The following FUBP3 variants were observed in gnomAD, a reference collection of about 807,000 sequenced individuals.
FUBP3 encodes the protein far upstream element-binding protein 3.
A neutral mutation model predicts 85.6 loss-of-function variants in FUBP3; 28 were observed. The ratio of observed to expected loss-of-function variants is 0.33; its 90% CI spans 0.24 to 0.45. The LOEUF is 0.45. FUBP3 is among the 20% of genes least tolerant of loss of function. The pLI is 1.00. For synonymous variants in FUBP3, 271 were observed against 271.4 expected (o/e 1.00, Z 0.01); for missense variants, 583 against 755.1 (o/e 0.77, Z 2.67).
chr9:130,591,267 AC>A (rs1223075770), intron 1 of FUBP3, among the ~76,000 whole-genome samples: 1 of 151,642 alleles, frequency 6.6e-6, no homozygotes, highest in East Asian at 1.9e-4. Flanking sequence ...ACATGGTGAA[AC>A]CCCATTTCTA....
intron 16 of FUBP3, among the ~76,000 whole-genome samples, chr9:130,633,636 A>G (rs1485647327): frequency 1.3e-5 from 2 of 152,152 alleles, no homozygotes; most frequent in Non-Finnish European, 2.9e-5. Flanking sequence ...GCAGTGGAGA[A>G]CCGGTTTGGG....
chr9:130,585,584 A>G (rs142383311), intron 1 of FUBP3, among the ~76,000 whole-genome samples: 85 of 152,322 alleles, frequency 5.6e-4, no homozygotes, highest in East Asian at 1.9e-4. Flanking sequence ...GGATTAAATA[A>G]AGGTGAATTG....
intron 1 of FUBP3, among the ~76,000 whole-genome samples, chr9:130,592,502 T>G (rs1245384151): frequency 6.6e-6 from 1 of 152,176 alleles, no homozygotes. Flanking sequence ...TCCTTCCTTC[T>G]TCCTATCTTG....
chr9:130,589,918 T>C (rs1007391337), intron 1 of FUBP3, among the ~76,000 whole-genome samples: 7 of 149,810 alleles, frequency 4.7e-5, no homozygotes, highest in Non-Finnish European at 1.0e-4. Flanking sequence ...AGCCTCACTA[T>C]GTTGCCCAGG....
At chr9:130,595,437 G>A in intron 1 of FUBP3, 46 bp from the exon 2 acceptor site, 1 of 923,146 alleles carries the variant, frequency 1.1e-6, no homozygotes, top group Non-Finnish European at 1.8e-6. Flanking sequence ...CCCTCAGATA[G>A]AGCCATGGTT....
At chr9:130,597,039 C>T (rs1588125434) in intron 2 of FUBP3, among the ~76,000 whole-genome samples, 1 of 151,430 alleles carries the variant, frequency 6.6e-6, no homozygotes, top group East Asian at 1.9e-4. Context: ...CCCTGAGTCC[C>T]CTTAGCCCCC....
chr9:130,634,561 C>A, intron 16 of FUBP3, 106 bp from the exon 17 acceptor site: 1 of 841,324 alleles, frequency 1.2e-6, no homozygotes, highest in Non-Finnish European at 1.9e-6. Flanking sequence ...CCGTGTGTGG[C>A]CAGGAGCGAG....
intron 16 of FUBP3, 141 bp downstream of exon 16, chr9:130,632,419 G>T (rs1015208479): frequency 2.6e-5 from 17 of 662,832 alleles, no homozygotes; most frequent in Middle Eastern, 8.2e-4. Context: ...CTCTGGGTGG[G>T]GCTTGGGCCC....
chr9:130,601,537 G>T (rs896942296), intron 2 of FUBP3, among the ~76,000 whole-genome samples: 11 of 152,098 alleles, frequency 7.2e-5, no homozygotes, highest in African/African-American at 2.7e-4. Flanking sequence ...CGGGGGTAAG[G>T]CCATGCAAGG....
At chr9:130,589,728 T>TA (rs1830533032) in intron 1 of FUBP3, among the ~76,000 whole-genome samples, 1 of 122,892 alleles carries the variant, frequency 8.1e-6, no homozygotes, top group Non-Finnish European at 1.7e-5. Flanking sequence ...TTTTTTTTTT[T>TA]AAGAGACAGG....
In FUBP3 at chr9:130,632,825, C is replaced by A. The variant is rs569556785; in HGVS notation, c.1510+547C>A. On this transcript the variant is annotated intron_variant, in intron 16 of 18. Coordinates refer to ENST00000319725, the MANE Select transcript of FUBP3 (RefSeq NM_003934.2). ...CCTGGTGGGAATCAAAGCCGCCACC[C>A]TCTCTGTCCCCACAGACGCTTCAGG... Among the ~76,000 whole-genome samples, 3 of 152,386 alleles carry A rather than the reference C, an allele frequency of 2.0e-5. No individual in the cohort carries two copies. In the South Asian group the frequency reaches 6.2e-4, roughly 32 times the overall value.
intron 18 of FUBP3, among the ~76,000 whole-genome samples, chr9:130,636,492 G>A (rs1051882237): frequency 3.9e-5 from 6 of 152,250 alleles, no homozygotes; most frequent in Admixed American, 2.0e-4. Context: ...TCCGGCGACT[G>A]CTCTCGAGGA....
At chr9:130,626,242 G>C in intron 11 of FUBP3, 122 bp from the exon 12 acceptor site, 3 of 979,862 alleles carry the variant, frequency 3.1e-6, no homozygotes, top group Non-Finnish European at 4.5e-6. Flanking sequence ...AGTGTGGAAA[G>C]GTGCTAGGTT....
chr9:130,624,715 C>A (rs1283384233), intron 11 of FUBP3, among the ~76,000 whole-genome samples: 1 of 150,924 alleles, frequency 6.6e-6, no homozygotes, highest in African/African-American at 2.4e-5. Context: ...GACAGTTCTT[C>A]CAGTGTGGCC....
chr9:130,628,588 G>T (rs1026636131), intron 12 of FUBP3, among the ~76,000 whole-genome samples: 1 of 152,140 alleles, frequency 6.6e-6, no homozygotes. Flanking sequence ...GGGATGAGGG[G>T]CCCAGTGGGG....
At chr9:130,582,503 A>G (rs1354749358) in intron 1 of FUBP3, among the ~76,000 whole-genome samples, 1 of 152,152 alleles carries the variant, frequency 6.6e-6, no homozygotes, top group Admixed American at 6.6e-5. Context: ...ATTCAGTTCC[A>G]TGGATGAAGA....
At chr9:130,607,420 A>G (rs1831516230) in intron 2 of FUBP3, among the ~76,000 whole-genome samples, 1 of 152,156 alleles carries the variant, frequency 6.6e-6, no homozygotes, top group South Asian at 2.1e-4. Context: ...ACACCTGTAT[A>G]TGCTGGAATT....
chr9:130,600,998 G>A (rs537355868), intron 2 of FUBP3, among the ~76,000 whole-genome samples: 1 of 152,216 alleles, frequency 6.6e-6, no homozygotes, highest in African/African-American at 2.4e-5. Flanking sequence ...TAAGCTTGCA[G>A]GCTATGTATC....
intron 1 of FUBP3, chr9:130,581,852 C>G (rs1038156196): frequency 6.6e-6 from 1 of 152,128 alleles, no homozygotes; most frequent in African/African-American, 2.4e-5. Context: ...TCTAGCAGAT[C>G]GTAATACTCT....
Sources: allele counts gnomAD v4.1 joint callset (sites outside exome capture counted in the v4.1 genomes callset), GRCh38; gene constraint gnomAD v4.1.1; transcripts MANE v1.5; gene names NCBI Gene and HGNC (gene_info 2026-07-23, HGNC 2026-07-21).